Variants in ADGRB3 observed in about 807,000 individuals in gnomAD.
The protein encoded by ADGRB3 is adhesion G protein-coupled receptor B3.
Under a neutral mutation model 193.4 loss-of-function variants are expected in ADGRB3, and 37 were observed. The ratio of observed to expected loss-of-function variants is 0.19; its 90% CI spans 0.15 to 0.25. The LOEUF (loss-of-function observed/expected upper bound fraction) is 0.25. Ranked by LOEUF, ADGRB3 falls within the 10% of genes least tolerant of loss-of-function variation. The pLI, the probability that ADGRB3 is intolerant of heterozygous loss-of-function variation, is 1.00. For synonymous variants in ADGRB3, 690 were observed against 644.2 expected, an observed-to-expected ratio of 1.07 and a Z score of -1.08; for missense variants, 1,637 against 1,852.9, an observed-to-expected ratio of 0.88 and a Z score of 2.14.
intron 17 of ADGRB3, among the ~76,000 whole-genome samples, chr6:69,144,864 G>A (rs1015725598): frequency 3.8e-5 from 4 of 104,318 alleles, no homozygotes; most frequent in Non-Finnish European, 6.4e-5. Flanking sequence ...TTGGTCTGTA[G>A]TTTGTTTGAG....
At chr6:69,058,893 T>G (rs1159141638) in intron 15 of ADGRB3, among the ~76,000 whole-genome samples, 3 of 152,204 alleles carry the variant, frequency 2.0e-5, no homozygotes, top group Non-Finnish European at 2.9e-5. Flanking sequence ...ATTTTCTGTC[T>G]GCCCTTGAGA....
At chr6:68,953,692 G>C (rs1169762759) in intron 6 of ADGRB3, among the ~76,000 whole-genome samples, 2 of 152,174 alleles carry the variant, frequency 1.3e-5, no homozygotes, top group Non-Finnish European at 2.9e-5. Flanking sequence ...TTAATGGAAT[G>C]ATTAAATTGG....
chr6:68,766,135 A>G (rs945266765), intron 3 of ADGRB3, among the ~76,000 whole-genome samples: 14 of 151,894 alleles, frequency 9.2e-5, no homozygotes, highest in Non-Finnish European at 1.6e-4. Flanking sequence ...GGCCACCTCA[A>G]TTGTGGTTTT....
chr6:69,231,285 T>C (rs952180861), intron 17 of ADGRB3, among the ~76,000 whole-genome samples: 1 of 152,220 alleles, frequency 6.6e-6, no homozygotes, highest in African/African-American at 2.4e-5. Context: ...TACATGGATA[T>C]AAGTATATAA....
intron 3 of ADGRB3, among the ~76,000 whole-genome samples, chr6:68,721,455 A>C (rs1765576111): frequency 6.7e-6 from 1 of 149,892 alleles, no homozygotes; most frequent in East Asian, 2.0e-4. Context: ...GAAGGGGAAC[A>C]TCACACACTG....
intron 15 of ADGRB3, among the ~76,000 whole-genome samples, chr6:69,050,160 G>T (rs1771350955): frequency 6.6e-6 from 1 of 152,104 alleles, no homozygotes; most frequent in Admixed American, 6.6e-5. Context: ...TAAATGATGT[G>T]TGCAGTTATA....
intron 20 of ADGRB3, among the ~76,000 whole-genome samples, chr6:69,295,946 GGAAATCT>G (rs1230334532): frequency 6.6e-6 from 1 of 152,076 alleles, no homozygotes; most frequent in Non-Finnish European, 1.5e-5. Flanking sequence ...CTATGAATCA[GGAAATCT>G]TGTTGACTTG....
chr6:68,993,626 T>C (rs142452868), intron 10 of ADGRB3, 142 bp from the exon 11 acceptor site: 20 of 824,134 alleles, frequency 2.4e-5, no homozygotes, highest in Non-Finnish European at 1.9e-6. Flanking sequence ...ATACACACAA[T>C]TTACAGTTTT....
chr6:69,277,752 G>A (rs572619518), intron 20 of ADGRB3, among the ~76,000 whole-genome samples: 4 of 152,138 alleles, frequency 2.6e-5, no homozygotes, highest in Non-Finnish European at 5.9e-5. Context: ...AAGCCCAGTA[G>A]TATAGTTCCC....
intron 13 of ADGRB3, among the ~76,000 whole-genome samples, chr6:69,046,357 A>G (rs2150301082): frequency 6.6e-6 from 1 of 152,316 alleles, no homozygotes; most frequent in Non-Finnish European, 1.5e-5. Context: ...TACACATTGA[A>G]TAATGCTTAG....
intron 3 of ADGRB3, among the ~76,000 whole-genome samples, chr6:68,733,899 G>A (rs898604329): frequency 1.7e-4 from 26 of 151,764 alleles, no homozygotes; most frequent in African/African-American, 5.8e-4. Context: ...ATGCTTGAGG[G>A]GATGAATACC....
intron 3 of ADGRB3, among the ~76,000 whole-genome samples, chr6:68,842,151 A>G (rs575742300): frequency 1.3e-5 from 2 of 152,068 alleles, no homozygotes; most frequent in Non-Finnish European, 2.9e-5. Context: ...ACATCTACTA[A>G]GTACCCACAA....
At chr6:68,656,702 G>C (rs958832264) in intron 3 of ADGRB3, among the ~76,000 whole-genome samples, 2 of 151,160 alleles carry the variant, frequency 1.3e-5, no homozygotes, top group African/African-American at 4.8e-5. Context: ...TTATTTCTTT[G>C]GTTTTTCTTT....
chr6:69,159,809 A>G (rs1272362332), intron 17 of ADGRB3, among the ~76,000 whole-genome samples: 1 of 152,130 alleles, frequency 6.6e-6, no homozygotes, highest in Non-Finnish European at 1.5e-5. Flanking sequence ...CCACATGGAC[A>G]TCTCTTGAAT....
chr6:69,254,572 AT>A (rs1334388187), intron 20 of ADGRB3, among the ~76,000 whole-genome samples: 3 of 152,130 alleles, frequency 2.0e-5, no homozygotes, highest in African/African-American at 7.2e-5. Flanking sequence ...TCAAGAAAAA[AT>A]GATGCATTTT....
At chr6:69,149,924 CTGTGTGTGTG>C (rs1167142377) in intron 17 of ADGRB3, among the ~76,000 whole-genome samples, 2,229 of 128,930 alleles carry the variant, frequency 0.017, 45 homozygotes, top group African/African-American at 0.037. Flanking sequence ...GTCTGTCTTT[CTGTGTGTGTG>C]TGTGTGTGTG....
chr6:68,732,354 A>G (rs1046886017), intron 3 of ADGRB3, among the ~76,000 whole-genome samples: 1 of 151,892 alleles, frequency 6.6e-6, no homozygotes, highest in Non-Finnish European at 1.5e-5. Flanking sequence ...TCACTTACCT[A>G]TATGGAAGTT....
At chr6:69,096,783 T>G (rs1364279809) in intron 17 of ADGRB3, among the ~76,000 whole-genome samples, 1 of 152,224 alleles carries the variant, frequency 6.6e-6, no homozygotes, top group East Asian at 1.9e-4. Flanking sequence ...AATACCTTTC[T>G]GACCTCTTTA....
At chr6:69,251,449 T>A (rs963928588) in intron 20 of ADGRB3, among the ~76,000 whole-genome samples, 1 of 152,156 alleles carries the variant, frequency 6.6e-6, no homozygotes, top group African/African-American at 2.4e-5. Context: ...TCTGTTTGAT[T>A]TGCACTGTAT....
Sources: allele counts gnomAD v4.1 joint callset (sites outside exome capture counted in the v4.1 genomes callset), GRCh38; gene constraint gnomAD v4.1.1; transcripts MANE v1.5; gene names NCBI Gene and HGNC (gene_info 2026-07-23, HGNC 2026-07-21).